Variants in DCC observed in about 807,000 individuals in gnomAD.
The protein encoded by DCC is netrin receptor DCC.
A neutral mutation model predicts 172.5 loss-of-function variants in DCC; 58 were observed. The observed-to-expected ratio is 0.34, with a 90% CI of 0.27 to 0.42. The LOEUF (loss-of-function observed/expected upper bound fraction) is 0.42, where lower values mean the gene tolerates loss of function less well. Ranked by LOEUF, DCC falls within the 10% of genes least tolerant of loss-of-function variation. DCC has a pLI of 1.00. For missense variants in DCC, 1,740 were observed against 1,791.0 expected (o/e 0.97, Z 0.51); for synonymous variants, 709 against 644.5 (o/e 1.10, Z -1.52).
intron 2 of DCC, among the ~76,000 whole-genome samples, chr18:52,808,224 A>C (rs2038124419): frequency 6.6e-6 from 1 of 152,202 alleles, no homozygotes; most frequent in South Asian, 2.1e-4. Flanking sequence ...CTATGTCTAA[A>C]AGGTCTTGTT....
chr18:53,217,308 T>TAC (rs1568371372), intron 12 of DCC, among the ~76,000 whole-genome samples: 1 of 103,044 alleles, frequency 9.7e-6, no homozygotes, highest in African/African-American at 4.8e-5. Context: ...CACATATGTA[T>TAC]ATACACACAC....
intron 2 of DCC, among the ~76,000 whole-genome samples, chr18:52,874,707 A>T (rs2039376063): frequency 6.6e-6 from 1 of 152,134 alleles, no homozygotes; most frequent in African/African-American, 2.4e-5. Context: ...ATGGCCATTG[A>T]GATACAGCCA....
chr18:52,874,459 T>C (rs1462043927), intron 2 of DCC, among the ~76,000 whole-genome samples: 1 of 152,224 alleles, frequency 6.6e-6, no homozygotes, highest in African/African-American at 2.4e-5. Context: ...AAAATTGTTT[T>C]GAGTTATAAT....
chr18:52,735,349 T>G (rs923425867), intron 1 of DCC, among the ~76,000 whole-genome samples: 2 of 152,144 alleles, frequency 1.3e-5, no homozygotes, highest in African/African-American at 4.8e-5. Context: ...AATCACTTAC[T>G]TTGTCCCTCT....
intron 1 of DCC, among the ~76,000 whole-genome samples, chr18:52,395,501 C>T (rs957485526): frequency 2.2e-4 from 33 of 152,040 alleles, no homozygotes; most frequent in South Asian, 2.1e-3. Context: ...ACAGGAGTCC[C>T]TTGGTCCCTT....
At chr18:52,544,175 T>C (rs1046036093) in intron 1 of DCC, among the ~76,000 whole-genome samples, 3 of 152,216 alleles carry the variant, frequency 2.0e-5, no homozygotes, top group African/African-American at 4.8e-5. Context: ...ATAGCTTTCA[T>C]GAATGTGAAT....
intron 5 of DCC, among the ~76,000 whole-genome samples, chr18:52,968,817 A>G (rs2040976568): frequency 6.6e-6 from 1 of 152,210 alleles, no homozygotes. Flanking sequence ...CCAATAAAAT[A>G]GCTACTTTTT....
intron 1 of DCC, among the ~76,000 whole-genome samples, chr18:52,632,810 G>A (rs1257476442): frequency 6.6e-6 from 1 of 152,066 alleles, no homozygotes; most frequent in Non-Finnish European, 1.5e-5. Flanking sequence ...ATTTCTAAAA[G>A]CATCTGATTG....
At chr18:52,563,497 C>T (rs570320103) in intron 1 of DCC, among the ~76,000 whole-genome samples, 3 of 152,104 alleles carry the variant, frequency 2.0e-5, no homozygotes, top group East Asian at 1.9e-4. Flanking sequence ...TGAAACATTC[C>T]ATCTTCAGCA....
At chr18:52,581,666 T>C (rs1158312367) in intron 1 of DCC, among the ~76,000 whole-genome samples, 3 of 152,188 alleles carry the variant, frequency 2.0e-5, no homozygotes, top group African/African-American at 7.2e-5. Flanking sequence ...GTTATATACC[T>C]CTGATTTCTT....
chr18:52,623,645 G>T (rs1197869072), intron 1 of DCC, among the ~76,000 whole-genome samples: 6 of 152,084 alleles, frequency 3.9e-5, no homozygotes, highest in Admixed American at 3.9e-4. Context: ...TACATAGATT[G>T]GTTTATTTTC....
intron 1 of DCC, among the ~76,000 whole-genome samples, chr18:52,461,644 G>A (rs901989737): frequency 2.6e-5 from 4 of 152,158 alleles, no homozygotes; most frequent in Non-Finnish European, 4.4e-5. Context: ...TTCAGTTCTT[G>A]TATAACCTTA....
intron 19 of DCC, among the ~76,000 whole-genome samples, chr18:53,407,477 A>G (rs1401424434): frequency 2.8e-5 from 4 of 145,252 alleles, no homozygotes; most frequent in African/African-American, 5.0e-5. Flanking sequence ...AATTTTATAT[A>G]TATCTTTTAT....
At chr18:53,131,589 C>T (rs1405291995) in intron 7 of DCC, among the ~76,000 whole-genome samples, 1 of 152,088 alleles carries the variant, frequency 6.6e-6, no homozygotes, top group Admixed American at 6.6e-5. Context: ...GGAAAAATTT[C>T]CCGCATATAT....
At chr18:53,411,871 C>G (rs10502975) in intron 20 of DCC, among the ~76,000 whole-genome samples, 65,752 of 151,976 alleles carry the variant, frequency 0.43, 16,028 homozygotes, top group Non-Finnish European at 0.56. Flanking sequence ...AAAGGCAACT[C>G]GTTATTCATT....
intron 12 of DCC, among the ~76,000 whole-genome samples, chr18:53,279,536 T>C (rs981859286): frequency 1.3e-5 from 2 of 148,966 alleles, no homozygotes; most frequent in African/African-American, 2.5e-5. Context: ...TTAGGAGATA[T>C]ACCTAATGTT....
intron 5 of DCC, among the ~76,000 whole-genome samples, chr18:53,034,841 CT>C (rs2042071691): frequency 6.6e-6 from 1 of 152,000 alleles, no homozygotes; most frequent in Non-Finnish European, 1.5e-5. Flanking sequence ...TGCTGGCCAA[CT>C]TTTCTGTTGC....
chr18:53,113,601 A>G (rs16956165), intron 7 of DCC, among the ~76,000 whole-genome samples: 3,689 of 151,560 alleles, frequency 0.024, 75 homozygotes, highest in East Asian at 0.11. Flanking sequence ...GTCACATGGA[A>G]ATAAAAGTTG....
At chr18:53,331,098 G>C (rs968305456) in intron 14 of DCC, among the ~76,000 whole-genome samples, 4 of 152,096 alleles carry the variant, frequency 2.6e-5, no homozygotes, top group Non-Finnish European at 2.9e-5. Flanking sequence ...ATTGCTCTCT[G>C]TTGTATTTTT....
Sources: gnomAD v4.1 joint callset for allele counts (sites outside exome capture counted in the v4.1 genomes callset) on GRCh38, gnomAD v4.1.1 for gene constraint, MANE v1.5 for transcripts, NCBI Gene and HGNC (gene_info 2026-07-23, HGNC 2026-07-21) for gene names.